Variants in TSG101 observed in about 807,000 individuals in gnomAD.
The protein encoded by TSG101 is tumor susceptibility 101, also known as tumor susceptibility gene 101 protein.
A neutral mutation model predicts 48.5 loss-of-function variants in TSG101; 19 were observed. The ratio of observed to expected loss-of-function variants is 0.39; its 90% CI spans 0.27 to 0.58. The LOEUF (loss-of-function observed/expected upper bound fraction) is 0.58. Among genes scored for constraint, TSG101 ranks in the 20% least tolerant of loss-of-function variants. The pLI is 0.55. For missense variants in TSG101, 365 were observed against 484.4 expected (o/e 0.75, Z 2.31); for synonymous variants, 174 against 169.4 (o/e 1.03, Z -0.21).
At chr11:18,487,661 T>TGGCATCCC (rs1849639320) in intron 7 of TSG101, among the ~76,000 whole-genome samples, 1 of 152,120 alleles carries the variant, frequency 6.6e-6, no homozygotes, top group Non-Finnish European at 1.5e-5. Context: ...CCACTGTGCC[T>TGGCATCCC]GGCATCCCAC....
At chr11:18,500,707 T>C (rs912225457) in intron 7 of TSG101, among the ~76,000 whole-genome samples, 1 of 152,240 alleles carries the variant, frequency 6.6e-6, no homozygotes, top group Admixed American at 6.5e-5. Flanking sequence ...CAATACCTTG[T>C]ATATTTATTA....
chr11:18,499,381 A>ATATATATAT, intron 7 of TSG101, among the ~76,000 whole-genome samples: 1 of 12,294 alleles, frequency 8.1e-5, no homozygotes, highest in African/African-American at 2.6e-4. Context: ...TTTATATTTA[A>ATATATATAT]ATATATATAT....
chr11:18,526,841 C>T lies in TSG101; in HGVS notation c.-25G>A. On this transcript the variant is annotated 5_prime_UTR_variant, in exon 1 of 10. Transcript: ENST00000251968. Reference sequence around the variant, plus strand: ...TGACGGCCGCCTGGCGACTCCCTTCCCCGCAGGCAGAGGGTCAGCCGCTGC... The same window carrying T: ...TGACGGCCGCCTGGCGACTCCCTTCTCCGCAGGCAGAGGGTCAGCCGCTGC... 6.3e-7 allele frequency: 1 copy of T among 1,597,588 alleles called. No individual in the cohort carries two copies. Among genetic ancestry groups the T allele is most frequent in the Non-Finnish European group, 8.5e-7 (1 of 1,177,818 alleles).
At chr11:18,507,526 C>T (rs1325059298) in intron 5 of TSG101, 1 of 152,098 alleles carries the variant, frequency 6.6e-6, no homozygotes, top group Admixed American at 6.6e-5. Flanking sequence ...ACCCAGCAAG[C>T]TTAAAGAATA....
At chr11:18,486,350 C>T (rs967577642) in intron 7 of TSG101, among the ~76,000 whole-genome samples, 1 of 152,224 alleles carries the variant, frequency 6.6e-6, no homozygotes, top group Non-Finnish European at 1.5e-5. Flanking sequence ...GTCAGAGGTC[C>T]CTGGCTTGCA....
rs1850168154 is a variant in TSG101 at position 18,516,161 on chromosome 11, A to G, written c.131T>C (p.Phe44Ser). ...TAGTTCCCTGGAACTGCCATCGTTAAAAACTGAAAGGAAAGAACAATGATT... is the reference window on the plus strand; with the variant it reads ...TAGTTCCCTGGAACTGCCATCGTTAGAAACTGAAAGGAAAGAACAATGATT... Reference protein sequence around the residue: ...DLKPVLDSYVFNDGSSRELMN... With the variant: ...DLKPVLDSYVSNDGSSRELMN... The change falls in exon 3 of 10, where the codon TTT (phenylalanine) becomes TCT (serine). Residue 44 changes from phenylalanine to serine, a missense_variant. Transcript: ENST00000251968. 6.2e-7 allele frequency: 1 copy of G among 1,613,810 alleles called. No homozygotes were observed. The highest frequency in any genetic ancestry group is 1.3e-5 in the African/African-American group (1 of 75,036).
At chr11:18,483,585 CTT>C (rs1849578061) in intron 8 of TSG101, among the ~76,000 whole-genome samples, 1 of 151,384 alleles carries the variant, frequency 6.6e-6, no homozygotes, top group African/African-American at 2.4e-5. Context: ...AATTAAACCT[CTT>C]TTTCTCTCAA....
At chr11:18,481,479 G>T in intron 9 of TSG101, 151 bp downstream of exon 9, 1 of 1,432,640 alleles carries the variant, frequency 7.0e-7, no homozygotes, top group Non-Finnish European at 9.1e-7. Flanking sequence ...GTAAAAAGAT[G>T]GTGCAAAACC....
intron 4 of TSG101, chr11:18,511,469 A>G (rs944698645): frequency 6.6e-6 from 1 of 152,194 alleles, no homozygotes; most frequent in African/African-American, 2.4e-5. Flanking sequence ...GTAAATTTAT[A>G]TACTGAGACT....
chr11:18,516,081 A>G lies in TSG101; in HGVS notation c.193+18T>C. On this transcript the variant is annotated intron_variant, in intron 3 of 9. Transcript: ENST00000251968. Reference sequence around the variant, plus strand: ...TATTCAAAATGCATCTATGCTGGAAACCTAATAAGACATTTACCTCTATAA... The same window carrying G: ...TATTCAAAATGCATCTATGCTGGAAGCCTAATAAGACATTTACCTCTATAA... 3 of 1,608,492 alleles carry G rather than the reference A, an allele frequency of 1.9e-6. No individual in the cohort carries two copies. Among genetic ancestry groups the G allele is most frequent in the Non-Finnish European group, 2.5e-6 (3 of 1,176,498 alleles).
At chr11:18,481,578 GTGC>G in intron 9 of TSG101, 49 bp downstream of exon 9, 1 of 1,581,988 alleles carries the variant, frequency 6.3e-7, no homozygotes, top group South Asian at 1.2e-5. Context: ...TGCAAGGTCA[GTGC>G]CTCTACAACC....
intron 7 of TSG101, among the ~76,000 whole-genome samples, chr11:18,489,774 A>C (rs1168029875): frequency 6.6e-6 from 1 of 152,254 alleles, no homozygotes; most frequent in African/African-American, 2.4e-5. Flanking sequence ...ATTACCATTA[A>C]ACTCAAATGC....
intron 5 of TSG101, among the ~76,000 whole-genome samples, chr11:18,508,244 CAG>C (rs1277187914): frequency 7.7e-6 from 1 of 129,694 alleles, no homozygotes; most frequent in African/African-American, 2.9e-5. Context: ...TTTTTTGATA[CAG>C]AGTCTTGCTC....
intron 7 of TSG101, among the ~76,000 whole-genome samples, chr11:18,485,218 G>A (rs542887303): frequency 2.0e-5 from 3 of 152,118 alleles, no homozygotes; most frequent in African/African-American, 7.2e-5. Context: ...TAATGCTCTC[G>A]AACATCAGAT....
intron 7 of TSG101, among the ~76,000 whole-genome samples, chr11:18,486,433 C>A (rs1239579340): frequency 2.0e-5 from 3 of 152,244 alleles, no homozygotes; most frequent in Non-Finnish European, 4.4e-5. Context: ...TTCTGCCCAA[C>A]CAGCCACCAT....
At chr11:18,507,333 A>G (rs1849990998) in intron 5 of TSG101, among the ~76,000 whole-genome samples, 1 of 152,224 alleles carries the variant, frequency 6.6e-6, no homozygotes, top group African/African-American at 2.4e-5. Context: ...TTGGCCAATT[A>G]GCACAGCTGA....
chr11:18,499,265 TTATA>T (rs1169813596), intron 7 of TSG101, among the ~76,000 whole-genome samples: 3 of 120,158 alleles, frequency 2.5e-5, no homozygotes, highest in Admixed American at 1.9e-4. Flanking sequence ...TATATATATT[TTATA>T]TATATTTATA....
intron 7 of TSG101, among the ~76,000 whole-genome samples, chr11:18,491,455 T>A (rs1044482108): frequency 6.6e-6 from 1 of 152,172 alleles, no homozygotes; most frequent in Non-Finnish European, 1.5e-5. Context: ...TGGGTAATAC[T>A]CCATGCATAA....
chr11:18,498,356 T>C (rs1258229779), intron 7 of TSG101, among the ~76,000 whole-genome samples: 1 of 152,058 alleles, frequency 6.6e-6, no homozygotes, highest in East Asian at 1.9e-4. Context: ...AGCTGCTGTG[T>C]CAAAAAAGAG....
Sources: allele counts gnomAD v4.1 joint callset (sites outside exome capture counted in the v4.1 genomes callset), GRCh38; gene constraint gnomAD v4.1.1; transcripts MANE v1.5; gene names NCBI Gene and HGNC (gene_info 2026-07-23, HGNC 2026-07-21).